The following BANK1 variants were observed in gnomAD, a reference collection of about 807,000 sequenced individuals.
BANK1 encodes the protein B-cell scaffold protein with ankyrin repeats.
A neutral mutation model predicts 94.5 loss-of-function variants in BANK1; 95 were observed. That is an observed-to-expected ratio of 1.00 (90% CI 0.85 to 1.19). BANK1 has a LOEUF of 1.19. Ranked by LOEUF, BANK1 falls within the 50% of genes most tolerant of loss-of-function variation. The pLI is 0.00. For missense variants in BANK1, 987 were observed against 932.2 expected (o/e 1.06, Z -0.77); for synonymous variants, 334 against 308.4 (o/e 1.08, Z -0.87).
intron 1 of BANK1, among the ~76,000 whole-genome samples, chr4:101,827,950 T>C (rs1208951838): frequency 6.6e-6 from 1 of 151,962 alleles, no homozygotes; most frequent in Non-Finnish European, 1.5e-5. Flanking sequence ...ATAAGATAAG[T>C]ATTTGTATAC....
chr4:101,973,132 G>A (rs62322696), intron 7 of BANK1, among the ~76,000 whole-genome samples: 57,652 of 151,596 alleles, frequency 0.38, 11,983 homozygotes, highest in South Asian at 0.53. Context: ...AATTTTCTAA[G>A]AGACTAAATT....
At chr4:102,034,487 G>A (rs1487686709) in intron 10 of BANK1, among the ~76,000 whole-genome samples, 1 of 151,998 alleles carries the variant, frequency 6.6e-6, no homozygotes, top group South Asian at 2.1e-4. Flanking sequence ...CTTGACATGT[G>A]GTATATGTTC....
chr4:101,934,807 G>A (rs2148906975), intron 7 of BANK1, among the ~76,000 whole-genome samples: 1 of 151,508 alleles, frequency 6.6e-6, no homozygotes, highest in East Asian at 2.0e-4. Flanking sequence ...CTTTTACTAG[G>A]AGGAATTCTT....
chr4:102,057,876 G>C (rs1045503656), intron 11 of BANK1, among the ~76,000 whole-genome samples: 3 of 152,004 alleles, frequency 2.0e-5, no homozygotes, highest in African/African-American at 7.2e-5. Context: ...GAGATCATAA[G>C]AAAATAATTA....
At chr4:101,930,485 T>C (rs1723302550) in intron 7 of BANK1, among the ~76,000 whole-genome samples, 1 of 151,484 alleles carries the variant, frequency 6.6e-6, no homozygotes, top group African/African-American at 2.4e-5. Flanking sequence ...TTATCTGTCC[T>C]TCTTCAAAAT....
intron 5 of BANK1, among the ~76,000 whole-genome samples, chr4:101,874,674 C>T (rs1321433080): frequency 6.6e-6 from 1 of 152,196 alleles, no homozygotes; most frequent in African/African-American, 2.4e-5. Flanking sequence ...CCAGAATCAA[C>T]TCCTTTCACA....
intron 10 of BANK1, among the ~76,000 whole-genome samples, chr4:102,033,340 T>C (rs146560531): frequency 0.015 from 2,310 of 152,330 alleles, 34 homozygotes; most frequent in Non-Finnish European, 0.024. Context: ...CCATGACTGG[T>C]TTAGGCTTTC....
chr4:101,910,668 T>G lies in BANK1; in HGVS notation c.1010-7325T>G, dbSNP rs181207021. ...GAGATCGCACCATTGCACTCCAGCC[T>G]GGGCGACAGAGCTAGACTCCGTCTC... On this transcript the variant is annotated intron_variant, in intron 6 of 16. Transcript: ENST00000322953. 6.7e-3 allele frequency among the ~76,000 whole-genome samples: 870 copies of G among 129,898 alleles called. 4 individuals carry two copies. The highest frequency in any genetic ancestry group is 0.014 in the Admixed American group (152 of 10,784). The allele number at this position is 129,898 out of a possible 152,430, so 85.2% of individuals were successfully genotyped here. A position where few individuals can be genotyped will look rare whatever the true frequency, so the allele number is the denominator to read the frequency against.
intron 1 of BANK1, among the ~76,000 whole-genome samples, chr4:101,796,828 G>C (rs1041147159): frequency 6.6e-6 from 1 of 152,144 alleles, no homozygotes; most frequent in Non-Finnish European, 1.5e-5. Context: ...GCATACATTA[G>C]TGAGAGAATG....
At chr4:102,068,119 A>C (rs1728649689) in intron 13 of BANK1, among the ~76,000 whole-genome samples, 1 of 152,154 alleles carries the variant, frequency 6.6e-6, no homozygotes, top group Non-Finnish European at 1.5e-5. Flanking sequence ...AAAGTATTTC[A>C]ACCTGAATAA....
At chr4:101,882,421 A>G (rs1279850869) in intron 5 of BANK1, among the ~76,000 whole-genome samples, 1 of 152,176 alleles carries the variant, frequency 6.6e-6, no homozygotes, top group Non-Finnish European at 1.5e-5. Context: ...TACCTTAGTA[A>G]TACACCATGT....
In BANK1 at chr4:102,015,454, T is replaced by A. The variant is rs148103675; in HGVS notation, c.1207-6060T>A. Among the ~76,000 whole-genome samples the A allele has an allele frequency of 1.1e-3, 171 of 152,228 alleles. 2 individuals are homozygous for A. Among genetic ancestry groups the A allele is most frequent in the Admixed American group, 0.01 (155 of 15,278 alleles). On this transcript the variant is annotated intron_variant, in intron 7 of 16. Transcript: ENST00000322953. ...AAAGAGTCACCATTTTATAGTTACA[T>A]CCCCACTCCAAATTTAATTTCAAAT... is the stretch of plus-strand genomic sequence containing the variant.
chr4:101,830,216 C>T lies in BANK1; in HGVS notation c.469+10C>T. On this transcript the variant is annotated intron_variant, in intron 2 of 16. Transcript: ENST00000322953. The stretch of plus-strand genomic sequence containing the variant: ...AGTATCATATTCAAAGGTAGTGTTG[C>T]CAAACCTTGTTTGTTTTATTTTTAT... 2 of 1,465,232 alleles carry T rather than the reference C, an allele frequency of 1.4e-6. No homozygotes were observed. The highest frequency in any genetic ancestry group is 1.8e-6 in the Non-Finnish European group (2 of 1,111,880). 90.8% of individuals were successfully genotyped at this position (1,465,232 alleles called of 1,614,324 possible).
chr4:101,882,575 T>C (rs2148886067), intron 5 of BANK1, among the ~76,000 whole-genome samples: 1 of 152,326 alleles, frequency 6.6e-6, no homozygotes, highest in Non-Finnish European at 1.5e-5. Context: ...AGTGGCTGCA[T>C]GGCATAGGTG....
intron 7 of BANK1, among the ~76,000 whole-genome samples, chr4:101,980,577 A>G (rs1725295421): frequency 6.6e-6 from 1 of 151,646 alleles, no homozygotes; most frequent in African/African-American, 2.4e-5. Flanking sequence ...ATTCTTATTT[A>G]TATTGTCTTG....
Position 101,855,167 on chromosome 4 carries a change from T to G in BANK1, c.602T>G (p.Leu201Arg). 6.2e-7 allele frequency: 1 copy of G among 1,613,216 alleles called. No individual in the cohort carries two copies. Among genetic ancestry groups the G allele is most frequent in the Non-Finnish European group, 8.5e-7 (1 of 1,179,418 alleles). Residue 201 changes from leucine to arginine, a missense_variant, in exon 3 of 17, where the codon CTT becomes CGT. Transcript: ENST00000322953. Reference sequence around the variant, plus strand: ...AACACCATACCACTAGCAGTGGTGCTTCCCACTGAAATTCCATGTGAGGTC... The same window carrying G: ...AACACCATACCACTAGCAGTGGTGCGTCCCACTGAAATTCCATGTGAGGTC... ...SRNTIPLAVVLPTEIPCENPG... is the reference protein window; with the variant it reads ...SRNTIPLAVVRPTEIPCENPG...
intron 7 of BANK1, among the ~76,000 whole-genome samples, chr4:101,999,404 G>A (rs1725987921): frequency 6.6e-6 from 1 of 151,990 alleles, no homozygotes; most frequent in African/African-American, 2.4e-5. Flanking sequence ...TATTAAGTGA[G>A]GTCTCCTTGT....
At chr4:101,799,689 A>G (rs1037754518) in intron 1 of BANK1, among the ~76,000 whole-genome samples, 4 of 152,096 alleles carry the variant, frequency 2.6e-5, no homozygotes, top group South Asian at 2.1e-4. Flanking sequence ...CCTGGCTAAC[A>G]CGGTGAAACC....
chr4:101,894,391 T>C (rs143241231), intron 5 of BANK1, among the ~76,000 whole-genome samples: 21 of 152,158 alleles, frequency 1.4e-4, no homozygotes, highest in Non-Finnish European at 2.6e-4. Flanking sequence ...TTTCAAGAAA[T>C]CCAGGGAGAC....
Sources: gnomAD v4.1 joint callset for allele counts (sites outside exome capture counted in the v4.1 genomes callset) on GRCh38, gnomAD v4.1.1 for gene constraint, MANE v1.5 for transcripts, NCBI Gene and HGNC (gene_info 2026-07-23, HGNC 2026-07-21) for gene names.